CDH12: variants seen among roughly 807,000 people sequenced by gnomAD.
The protein encoded by CDH12 is cadherin-12.
A neutral mutation model predicts 74.1 loss-of-function variants in CDH12; 41 were observed. That is an observed-to-expected ratio of 0.55 (90% CI 0.43 to 0.72). CDH12 has a LOEUF of 0.72. Ranked by LOEUF, CDH12 falls within the 30% of genes least tolerant of loss-of-function variation. CDH12 has a pLI of 0.00. For synonymous variants in CDH12, 399 were observed against 355.0 expected, an observed-to-expected ratio of 1.12 and a Z score of -1.39; for missense variants, 945 against 977.2, an observed-to-expected ratio of 0.97 and a Z score of 0.44.
At chr5:21,853,756 G>T (rs530721165) in intron 7 of CDH12, among the ~76,000 whole-genome samples, 2 of 151,554 alleles carry the variant, frequency 1.3e-5, no homozygotes, top group Non-Finnish European at 3.0e-5. Context: ...ATGCATGTTG[G>T]TATTTAAAAA....
intron 1 of CDH12, among the ~76,000 whole-genome samples, chr5:22,553,484 A>G (rs10473597): frequency 0.15 from 22,149 of 152,102 alleles, 2,242 homozygotes; most frequent in East Asian, 0.36. Context: ...TATAAAGAGT[A>G]CATTGGGAAT....
At chr5:22,519,427 T>C (rs1447814924) in intron 1 of CDH12, among the ~76,000 whole-genome samples, 2 of 107,158 alleles carry the variant, frequency 1.9e-5, no homozygotes. Context: ...CCACACTCTT[T>C]TTTTTTTTTT....
chr5:22,760,831 T>C (rs1479878678), intron 1 of CDH12, among the ~76,000 whole-genome samples: 1 of 152,118 alleles, frequency 6.6e-6, no homozygotes, highest in Non-Finnish European at 1.5e-5. Flanking sequence ...TGAAATTGAA[T>C]GTGTACCAGA....
chr5:22,374,876 T>A (rs1263900953), intron 3 of CDH12, among the ~76,000 whole-genome samples: 3 of 151,912 alleles, frequency 2.0e-5, no homozygotes, highest in Admixed American at 2.0e-4. Flanking sequence ...AAAATGATAA[T>A]CCTGCTCAAA....
At chr5:22,349,020 G>A (rs1740242691) in intron 3 of CDH12, among the ~76,000 whole-genome samples, 1 of 152,194 alleles carries the variant, frequency 6.6e-6, no homozygotes, top group African/African-American at 2.4e-5. Flanking sequence ...TAAGTCATAA[G>A]AGTAGAGTCC....
intron 4 of CDH12, among the ~76,000 whole-genome samples, chr5:22,113,533 T>C (rs1744931152): frequency 6.6e-6 from 1 of 152,046 alleles, no homozygotes; most frequent in African/African-American, 2.4e-5. Context: ...CCTGCTTGAG[T>C]TGTCCCACCT....
chr5:22,065,273 G>C (rs1247275155), intron 5 of CDH12, among the ~76,000 whole-genome samples: 1 of 152,094 alleles, frequency 6.6e-6, no homozygotes, highest in Non-Finnish European at 1.5e-5. Context: ...AGAACTACTT[G>C]AGTTTTCTAA....
intron 1 of CDH12, among the ~76,000 whole-genome samples, chr5:22,553,427 C>A (rs1030833698): frequency 1.3e-5 from 2 of 151,958 alleles, no homozygotes; most frequent in Non-Finnish European, 2.9e-5. Flanking sequence ...AAGAGAGATT[C>A]TTTTCTGACT....
intron 5 of CDH12, among the ~76,000 whole-genome samples, chr5:22,044,382 T>C (rs534645033): frequency 1.3e-5 from 2 of 152,226 alleles, no homozygotes; most frequent in South Asian, 2.1e-4. Flanking sequence ...CTAACAATCA[T>C]GGCAGAAGGC....
chr5:22,823,921 T>G (rs1435794467), intron 1 of CDH12, among the ~76,000 whole-genome samples: 1 of 152,160 alleles, frequency 6.6e-6, no homozygotes, highest in Admixed American at 6.6e-5. Context: ...CAGGAAGTTC[T>G]TTATAGCAGT....
At chr5:22,258,490 A>G (rs1753398528) in intron 3 of CDH12, among the ~76,000 whole-genome samples, 1 of 152,056 alleles carries the variant, frequency 6.6e-6, no homozygotes, top group South Asian at 2.1e-4. Flanking sequence ...TATCTATAGT[A>G]AAACCATCTC....
intron 5 of CDH12, among the ~76,000 whole-genome samples, chr5:22,040,268 A>G (rs945658951): frequency 2.0e-5 from 3 of 152,132 alleles, no homozygotes; most frequent in Admixed American, 6.5e-5. Flanking sequence ...TCAGAGGACA[A>G]AAAGAATGAA....
chr5:21,755,782 T>C lies in CDH12; in HGVS notation c.1694A>G (p.Tyr565Cys). The C allele has an allele frequency of 2.5e-6, 4 of 1,613,984 alleles. No individual in the cohort carries two copies. Among genetic ancestry groups the C allele is most frequent in the Non-Finnish European group, 3.4e-6 (4 of 1,179,914 alleles). Residue 565 changes from tyrosine (Y) to cysteine (C), a missense_variant, in exon 14 of 15, where the codon TAT becomes TGT. Physicochemically the swap from Tyr to Cys is radical, Grantham distance 194. Transcript: ENST00000382254. ...NGYSRRQQEL[Y>C]FLPVVIEDSS... The stretch of plus-strand genomic sequence containing the variant: ...GTCTTCTATTACAACAGGGAGGAAA[T>C]ACAACTCTTGCTGCCTGCGGCTGTA...
chr5:21,840,262 T>C (rs968338454), intron 8 of CDH12, among the ~76,000 whole-genome samples: 6 of 152,130 alleles, frequency 3.9e-5, no homozygotes, highest in African/African-American at 1.4e-4. Context: ...TTTATATTAC[T>C]TTCTCAGTTA....
intron 1 of CDH12, among the ~76,000 whole-genome samples, chr5:22,553,777 T>C (rs1738678966): frequency 6.6e-6 from 1 of 152,018 alleles, no homozygotes; most frequent in South Asian, 2.1e-4. Context: ...TTTCCACAGA[T>C]AGGGTGGGAG....
intron 3 of CDH12, among the ~76,000 whole-genome samples, chr5:22,394,119 TG>T (rs1742357437): frequency 6.6e-6 from 1 of 152,132 alleles, no homozygotes. Context: ...GTTGGAAACG[TG>T]TGCTGTTAAG....
intron 2 of CDH12, among the ~76,000 whole-genome samples, chr5:22,487,605 A>G (rs760184391): frequency 6.6e-5 from 10 of 152,190 alleles, no homozygotes; most frequent in Non-Finnish European, 1.5e-5. Context: ...TGAGTTGAAC[A>G]CTGAGTCTAG....
intron 4 of CDH12, among the ~76,000 whole-genome samples, chr5:22,103,224 T>C (rs1744249709): frequency 6.6e-6 from 1 of 152,202 alleles, no homozygotes; most frequent in Admixed American, 6.5e-5. Flanking sequence ...ACCTTTCTAT[T>C]TTTAAAATTT....
intron 1 of CDH12, among the ~76,000 whole-genome samples, chr5:22,642,300 A>T (rs898775412): frequency 6.6e-6 from 1 of 152,206 alleles, no homozygotes; most frequent in African/African-American, 2.4e-5. Context: ...AGGCTACTAG[A>T]ATAACACAAT....
Sources: gnomAD v4.1 joint callset for allele counts (sites outside exome capture counted in the v4.1 genomes callset) on GRCh38, gnomAD v4.1.1 for gene constraint, MANE v1.5 for transcripts, NCBI Gene and HGNC (gene_info 2026-07-23, HGNC 2026-07-21) for gene names.